ALDH16A1: variants seen among roughly 807,000 people sequenced by gnomAD.
ALDH16A1 encodes the protein aldehyde dehydrogenase family 16 member A1.
ALDH16A1 carries 88 observed loss-of-function variants against 96.1 expected under a neutral mutation model. That is an observed-to-expected ratio of 0.92 (90% CI 0.77 to 1.09). The LOEUF (loss-of-function observed/expected upper bound fraction) is 1.09, where lower values mean the gene tolerates loss of function less well. Ranked by LOEUF, ALDH16A1 falls within the 50% of genes least tolerant of loss-of-function variation. The probability of loss-of-function intolerance (pLI) is 0.00; values close to 1 mark genes in which losing one functional copy is unlikely to be tolerated. For missense variants in ALDH16A1, 1,250 were observed against 1,112.6 expected, an observed-to-expected ratio of 1.12 and a Z score of -1.76; for synonymous variants, 522 against 496.4, an observed-to-expected ratio of 1.05 and a Z score of -0.69.
intron 1 of ALDH16A1, 51 bp from the exon 2 acceptor site, chr19:49,458,435 C>T (rs2079117706): frequency 6.9e-7 from 1 of 1,457,542 alleles, no homozygotes; most frequent in East Asian, 2.5e-5. Context: ...AGGGGTTGAA[C>T]TGCCCCAGCT....
In ALDH16A1 at chr19:49,461,849, G is replaced by T. The variant is rs1313321329; in HGVS notation, c.760-35G>T. 8 of 1,597,646 alleles carry T rather than the reference G, an allele frequency of 5.0e-6. No homozygotes were observed. The South Asian group carries it at 7.8e-5, about 16-fold the overall frequency. On this transcript the variant is annotated intron_variant, in intron 6 of 16. Transcript: ENST00000293350. Reference sequence around the variant, plus strand: ...GCGGAACGCGGCTGGGGGCCGCAAGGCTCCTCCTGCGGCTGAACTGGGGGG... The same window carrying T: ...GCGGAACGCGGCTGGGGGCCGCAAGTCTCCTCCTGCGGCTGAACTGGGGGG...
Position 49,464,436 on chromosome 19 carries a change from T to C in ALDH16A1, c.1351T>C (p.Trp451Arg), listed in dbSNP as rs756534916. ...LGYGLQVGTV[W>R]INAHGLRDPS... is the part of the protein sequence containing the mutation. ...CCACAGGCTCCAGGTGGGCACTGTC[T>C]GGATCAACGCCCACGGCCTCAGAGA... The change falls in exon 11 of 17, where the codon TGG becomes CGG. Residue 451 changes from tryptophan (W) to arginine (R), a missense_variant. Physicochemically the swap from Trp to Arg is moderately radical, Grantham distance 101 (BLOSUM62 -3). Transcript: ENST00000293350. The C allele has an allele frequency of 1.0e-5, 16 of 1,606,408 alleles. No homozygotes were observed. In the South Asian group the frequency reaches 1.6e-4, roughly 16 times the overall value.
At chr19:49,467,196 T>G (rs2079206014) in intron 14 of ALDH16A1, among the ~76,000 whole-genome samples, 1 of 152,110 alleles carries the variant, frequency 6.6e-6, no homozygotes, top group South Asian at 2.1e-4. Flanking sequence ...TGTTTTTGTA[T>G]TTTTGCAGAG....
chr19:49,468,769 C>G lies in ALDH16A1; in HGVS notation c.2125-95C>G. ...GCCTGGGGCTTTCTCCTCCATGACC[C>G]CCCATCCCCTTCCCTCCCATGGGCA... is the stretch of plus-strand genomic sequence containing the variant. On this transcript the variant is annotated intron_variant, in intron 15 of 16. Transcript: ENST00000293350. The surrounding 1 kb of genome is among the most constrained non-coding windows in gnomAD (Gnocchi z 4.4). 1.4e-6 allele frequency: 2 copies of G among 1,456,952 alleles called. No homozygotes were observed. Among genetic ancestry groups the G allele is most frequent in the Non-Finnish European group, 1.9e-6 (2 of 1,066,886 alleles). The allele number at this position is 1,456,952 out of a possible 1,614,324, so 90.3% of individuals were successfully genotyped here. A position where few individuals can be genotyped will look rare whatever the true frequency, so the allele number is the denominator to read the frequency against.
At chr19:49,462,358 C>T (rs1018166140) in intron 7 of ALDH16A1, among the ~76,000 whole-genome samples, 12 of 152,150 alleles carry the variant, frequency 7.9e-5, no homozygotes. Context: ...TGGTCTCGAA[C>T]TCCTGACCTC....
rs755676550 is a variant in ALDH16A1, at chr19:49,463,832, T to G, written c.1099-22T>G. 24 of 1,606,944 alleles carry G rather than the reference T, an allele frequency of 1.5e-5. 1 individual carries two copies. The South Asian group carries it at 2.7e-4, about 18-fold the overall frequency. ...AGCAGGAAGGGACCAGAAGTCGACT[T>G]CTAGATCATTTCTCTCCCTAGGTGT... On this transcript the variant is annotated intron_variant, in intron 8 of 16. Transcript: ENST00000293350.
intron 1 of ALDH16A1, among the ~76,000 whole-genome samples, chr19:49,453,753 C>T (rs2335183): frequency 0.7 from 106,007 of 151,884 alleles, 37,658 homozygotes; most frequent in Middle Eastern, 0.82. Context: ...CCCACCAGAC[C>T]CCTTAGGATT....
At position 49,461,799 on chromosome 19, in the gene ALDH16A1, A is replaced by C; in HGVS notation, c.758A>C (p.Glu253Ala). The C allele has an allele frequency of 6.2e-7, 1 of 1,610,386 alleles. No homozygotes were observed. ...AAGGTGGCCTTCTGCGGAGCCCCGG[A>C]GGTACCTTCGGGACAGGGGTCGTGG... ...IRKVAFCGAP[E>A]EGRALRRSLA... Residue 253 changes from glutamate to alanine, a missense_variant and splice_region_variant, in exon 6 of 17, where the codon GAG becomes GCG. Glu to Ala is a moderately radical substitution (Grantham distance 107). Coordinates refer to ENST00000293350, the MANE Select transcript of ALDH16A1 (RefSeq NM_153329.4).
At position 49,461,963 on chromosome 19, in the gene ALDH16A1, T is replaced by A; in HGVS notation, c.839T>A (p.Leu280Gln). ...GCGCTGGGGACGGAGTCGCTGCTGC[T>A]GCTGACGGACACGGCGGACGTAGAC... ...GLALGTESLL[L>Q]LTDTADVDSA... is the part of the protein sequence containing the mutation. The change falls in exon 7 of 17, where the codon CTG becomes CAG. Residue 280 changes from leucine (L) to glutamine (Q), a missense_variant. Physicochemically the swap from Leu to Gln is moderately radical, Grantham distance 113. Coordinates refer to ENST00000293350, the MANE Select transcript of ALDH16A1 (RefSeq NM_153329.4). 6.4e-7 allele frequency: 1 copy of A among 1,565,054 alleles called. No homozygotes were observed. The highest frequency in any genetic ancestry group is 2.4e-5 in the East Asian group (1 of 42,240).
chr19:49,470,651 T>TTC lies in ALDH16A1; in HGVS notation c.*185_*186insCT, dbSNP rs1555801034. 81 of 433,580 alleles carry TTC rather than the reference T, an allele frequency of 1.9e-4. No individual in the cohort carries two copies. Among genetic ancestry groups the TTC allele is most frequent in the East Asian group, 3.3e-4 (7 of 21,388 alleles). 26.9% of individuals were successfully genotyped at this position (433,580 alleles called of 1,614,324 possible). On this transcript the variant is annotated 3_prime_UTR_variant, in exon 17 of 17. Coordinates refer to ENST00000293350, the MANE Select transcript of ALDH16A1 (RefSeq NM_153329.4). ...CTGGCAGATATGAGGCTTTTTTCTT[T>TTC]TTTTTTTTTTTTTTTGAGACAACGT...
rs781770831 is a variant in ALDH16A1 at position 49,462,658 on chromosome 19, G to C, written c.1001G>C (p.Arg334Pro). The change falls in exon 8 of 17, where the codon CGA (arginine) becomes CCA (proline). Residue 334 changes from arginine (R) to proline (P), a missense_variant. Physicochemically the swap from Arg to Pro is moderately radical, Grantham distance 103 (BLOSUM62 -2). Transcript: ENST00000293350. ...QERMGRLRSG[R>P]GLDGAVDMGA... Reference sequence around the variant, plus strand: ...CGGATGGGGCGGCTTCGGAGTGGCCGAGGGCTGGATGGGGCCGTGGACATG... The same window carrying C: ...CGGATGGGGCGGCTTCGGAGTGGCCCAGGGCTGGATGGGGCCGTGGACATG... 1 of 1,612,106 alleles carries C rather than the reference G, an allele frequency of 6.2e-7. No individual in the cohort carries two copies. Among genetic ancestry groups the C allele is most frequent in the Non-Finnish European group, 8.5e-7 (1 of 1,179,808 alleles).
At position 49,468,707 on chromosome 19, in the gene ALDH16A1, C is replaced by A; in HGVS notation, c.2124+141C>A. On this transcript the variant is annotated intron_variant, in intron 15 of 16. Coordinates refer to ENST00000293350, the MANE Select transcript of ALDH16A1 (RefSeq NM_153329.4). This position sits in a 1 kb window ranked among gnomAD's most constrained non-coding sequence, Gnocchi z 4.4. Reference sequence around the variant, plus strand: ...CCCCCAGCCCCAGCACCCAAACCTTCACTCCTTGGGGACCCAGTGCCCATT... The same window carrying A: ...CCCCCAGCCCCAGCACCCAAACCTTAACTCCTTGGGGACCCAGTGCCCATT... 1 of 1,357,650 alleles carries A rather than the reference C, an allele frequency of 7.4e-7. No homozygotes were observed. The highest frequency in any genetic ancestry group is 1.0e-6 in the Non-Finnish European group (1 of 998,016). The allele number at this position is 1,357,650 out of a possible 1,614,324, so 84.1% of individuals were successfully genotyped here.
In ALDH16A1 at chr19:49,465,748, C is replaced by G. The variant is rs764220407; in HGVS notation, c.1579C>G (p.Pro527Ala). Residue 527 changes from proline to alanine, a missense_variant, in exon 13 of 17, where the codon CCC becomes GCC. By Grantham distance (27) the Pro-to-Ala change is conservative. Transcript: ENST00000293350. Reference sequence around the variant, plus strand: ...CCCACCCTACTCCAGCCCAGCACCCCCCTATGGGCTCTTCGTTGGGGGCCG... The same window carrying G: ...CCCACCCTACTCCAGCCCAGCACCCGCCTATGGGCTCTTCGTTGGGGGCCG... Reference protein sequence around the residue: ...GPEIGPSPAPPYGLFVGGRFQ... With the variant: ...GPEIGPSPAPAYGLFVGGRFQ... 1.9e-6 allele frequency: 3 copies of G among 1,613,412 alleles called. No individual in the cohort carries two copies. Among genetic ancestry groups the G allele is most frequent in the East Asian group, 2.2e-5 (1 of 44,890 alleles).
At chr19:49,462,315 A>G (rs1445749028) in intron 7 of ALDH16A1, among the ~76,000 whole-genome samples, 3 of 151,920 alleles carry the variant, frequency 2.0e-5, no homozygotes, top group Admixed American at 2.0e-4. Context: ...ATGTATTTTT[A>G]GTAGAGACGG....
intron 13 of ALDH16A1, 27 bp downstream of exon 13, chr19:49,465,932 G>C: frequency 1.2e-6 from 2 of 1,605,626 alleles, no homozygotes; most frequent in Non-Finnish European, 1.7e-6. Flanking sequence ...GAAAGCCCAA[G>C]GGTCATGGTG....
At chr19:49,466,612 G>A (rs951950953) in intron 14 of ALDH16A1, among the ~76,000 whole-genome samples, 1 of 152,214 alleles carries the variant, frequency 6.6e-6, no homozygotes, top group Non-Finnish European at 1.5e-5. Flanking sequence ...TGTAATCCCA[G>A]TACTTCGCGA....
chr19:49,464,720 C>A lies in ALDH16A1; in HGVS notation c.1526C>A (p.Ala509Asp), dbSNP rs1175607837. The A allele has an allele frequency of 6.2e-7, 1 of 1,613,524 alleles. No homozygotes were observed. The highest frequency in any genetic ancestry group is 1.3e-5 in the African/African-American group (1 of 74,932). The change falls in exon 12 of 17, where the codon GCT becomes GAT. Residue 509 changes from alanine to aspartate, a missense_variant. Transcript: ENST00000293350. Reference protein sequence around the residue: ...KNLNYDTFGLAVPSTLPAGPE... With the variant: ...KNLNYDTFGLDVPSTLPAGPE... ...CTGAACTATGACACCTTTGGCCTCG[C>A]TGTTCCCTCAACCCTGCCGGCTGGG...
rs113839884 is a variant in ALDH16A1 at position 49,466,573 on chromosome 19, A to G, written c.1938+290A>G. Among the ~76,000 whole-genome samples, 10 of 152,324 alleles carry G rather than the reference A, an allele frequency of 6.6e-5. 1 individual carries two copies. Among genetic ancestry groups the G allele is most frequent in the African/African-American group, 2.4e-4 (10 of 41,578 alleles). ...AGGCGGTTCTCACATTGCTGTAAAGAAACACCTGGGGGCGCAGTGGCTCAC... is the reference window on the plus strand; with the variant it reads ...AGGCGGTTCTCACATTGCTGTAAAGGAACACCTGGGGGCGCAGTGGCTCAC... On this transcript the variant is annotated intron_variant, in intron 14 of 16. Coordinates refer to ENST00000293350, the MANE Select transcript of ALDH16A1 (RefSeq NM_153329.4).
At position 49,461,923 on chromosome 19, in the gene ALDH16A1, G is replaced by C; in HGVS notation, c.799G>C (p.Ala267Pro). The C allele has an allele frequency of 6.3e-7, 1 of 1,577,486 alleles. No individual in the cohort carries two copies. The highest frequency in any genetic ancestry group is 8.6e-7 in the Non-Finnish European group (1 of 1,162,998). ...TCGACGGAGCCTGGCGGGAGAGTGT[G>C]CGGAGCTGGGCCTGGCGCTGGGGAC... ...ALRRSLAGEC[A>P]ELGLALGTES... The change falls in exon 7 of 17, where the codon GCG becomes CCG. Residue 267 changes from alanine to proline, a missense_variant. By Grantham distance (27) the Ala-to-Pro change is conservative. Coordinates refer to ENST00000293350, the MANE Select transcript of ALDH16A1 (RefSeq NM_153329.4).
Sources: allele counts gnomAD v4.1 joint callset (sites outside exome capture counted in the v4.1 genomes callset), GRCh38; gene constraint gnomAD v4.1.1; non-coding constraint Gnocchi (gnomAD v3.1); transcripts MANE v1.5; gene names NCBI Gene and HGNC (gene_info 2026-07-23, HGNC 2026-07-21).